The following BPTF variants were observed in gnomAD, a reference collection of about 807,000 sequenced individuals.
BPTF encodes bromodomain PHD finger transcription factor.
In BPTF, 18 loss-of-function variants were observed where a neutral mutation model predicts 292.5. The ratio of observed to expected loss-of-function variants is 0.06; its 90% CI spans 0.04 to 0.09. The LOEUF is 0.09. BPTF is among the 10% of genes least tolerant of loss of function. The pLI, the probability that BPTF is intolerant of heterozygous loss-of-function variation, is 1.00. For synonymous variants in BPTF, 1,225 were observed against 1,251.9 expected (o/e 0.98, Z 0.45); for missense variants, 2,726 against 3,498.7 (o/e 0.78, Z 5.57).
At chr17:67,869,398 G>A (rs1160588245) in intron 3 of BPTF, among the ~76,000 whole-genome samples, 1 of 152,104 alleles carries the variant, frequency 6.6e-6, no homozygotes, top group Admixed American at 6.5e-5. Flanking sequence ...TGATTTGGGG[G>A]AATGTAAAAA....
At chr17:67,875,307 C>T (rs1221407405) in intron 4 of BPTF, among the ~76,000 whole-genome samples, 1 of 152,096 alleles carries the variant, frequency 6.6e-6, no homozygotes, top group Non-Finnish European at 1.5e-5. Context: ...CCAGAGTATA[C>T]ACTTTTGTAT....
intron 7 of BPTF, among the ~76,000 whole-genome samples, chr17:67,896,489 C>A (rs2061465147): frequency 6.6e-6 from 1 of 151,084 alleles, no homozygotes; most frequent in Non-Finnish European, 1.5e-5. Flanking sequence ...TGCACATAGA[C>A]CCCTTGAATC....
At chr17:67,968,961 A>G (rs1555689194) in intron 26 of BPTF, among the ~76,000 whole-genome samples, 1 of 151,108 alleles carries the variant, frequency 6.6e-6, no homozygotes, top group Admixed American at 6.6e-5. Flanking sequence ...AGCCTGGGTA[A>G]CAAAAGCGAA....
chr17:67,896,483 C>G (rs1397476622), intron 7 of BPTF, among the ~76,000 whole-genome samples: 3 of 150,226 alleles, frequency 2.0e-5, no homozygotes, highest in Admixed American at 6.7e-5. Flanking sequence ...CCCCAGTGCA[C>G]ATAGACCCCT....
At chr17:67,974,848 C>T (rs543299957) in intron 26 of BPTF, 1 of 152,346 alleles carries the variant, frequency 6.6e-6, no homozygotes, top group African/African-American at 2.4e-5. Context: ...CCCGGTCCTT[C>T]TGGGTTTTTA....
intron 2 of BPTF, among the ~76,000 whole-genome samples, chr17:67,856,924 G>A (rs2058723810): frequency 6.6e-6 from 1 of 151,958 alleles, no homozygotes; most frequent in African/African-American, 2.4e-5. Flanking sequence ...AGGGGAGAAT[G>A]GTGGTTTAGG....
intron 23 of BPTF, among the ~76,000 whole-genome samples, chr17:67,949,493 T>A (rs1403864426): frequency 6.6e-6 from 1 of 151,826 alleles, no homozygotes; most frequent in Admixed American, 6.6e-5. Context: ...GATAATCGTT[T>A]GAACCTGGGA....
chr17:67,879,703 C>T (rs1410981667), intron 4 of BPTF, among the ~76,000 whole-genome samples: 6 of 152,030 alleles, frequency 3.9e-5, no homozygotes, highest in African/African-American at 9.7e-5. Context: ...CCACTAATGA[C>T]GGAAGGGGAA....
intron 1 of BPTF, among the ~76,000 whole-genome samples, chr17:67,841,877 TCTG>T (rs1482592221): frequency 1.3e-5 from 2 of 152,126 alleles, no homozygotes; most frequent in East Asian, 3.8e-4. Flanking sequence ...AGGGGTTTCT[TCTG>T]TTTCTTTTTT....
At chr17:67,942,399 T>C (rs1555672384) in intron 19 of BPTF, among the ~76,000 whole-genome samples, 1 of 152,174 alleles carries the variant, frequency 6.6e-6, no homozygotes, top group East Asian at 1.9e-4. Context: ...ACTGCTGAAC[T>C]TTATTAATAA....
At chr17:67,866,428 C>G in intron 2 of BPTF, 36 bp from the exon 3 acceptor site, 2 of 1,483,030 alleles carry the variant, frequency 1.3e-6, no homozygotes, top group Non-Finnish European at 1.9e-6. Context: ...GGCATTATGT[C>G]TAACATATAA....
intron 4 of BPTF, among the ~76,000 whole-genome samples, chr17:67,879,610 G>C (rs775888037): frequency 6.6e-6 from 1 of 152,142 alleles, no homozygotes; most frequent in Non-Finnish European, 1.5e-5. Flanking sequence ...TAAAAAAAGA[G>C]ATTTCTTTGG....
intron 23 of BPTF, among the ~76,000 whole-genome samples, chr17:67,952,382 G>C (rs1465430020): frequency 6.6e-6 from 1 of 150,996 alleles, no homozygotes; most frequent in Non-Finnish European, 1.5e-5. Context: ...TCCTGCCTCA[G>C]CCTCCTGAGC....
intron 23 of BPTF, 55 bp downstream of exon 23, chr17:67,948,361 C>T: frequency 2.8e-6 from 4 of 1,452,898 alleles, no homozygotes; most frequent in South Asian, 2.6e-5. Context: ...TGAGGTTCTG[C>T]TTTTTTCCCT....
At chr17:67,978,900 G>C (rs1184421188) in intron 27 of BPTF, among the ~76,000 whole-genome samples, 3 of 152,100 alleles carry the variant, frequency 2.0e-5, no homozygotes, top group Non-Finnish European at 4.4e-5. Context: ...CTGTTAGCTG[G>C]GCACGGTGGC....
chr17:67,884,142 T>C (rs4371190), intron 4 of BPTF, among the ~76,000 whole-genome samples: 2,092 of 94,076 alleles, frequency 0.022, 45 homozygotes, highest in East Asian at 0.16. Flanking sequence ...TTCTTTCTTT[T>C]TTTTTTTTTT....
chr17:67,877,268 C>A (rs899422670), intron 4 of BPTF, among the ~76,000 whole-genome samples: 5 of 152,184 alleles, frequency 3.3e-5, no homozygotes, highest in African/African-American at 1.2e-4. Context: ...CTGACCTTCA[C>A]CTGCTTCCTT....
intron 1 of BPTF, among the ~76,000 whole-genome samples, chr17:67,827,793 C>T (rs1167206690): frequency 1.3e-5 from 2 of 152,080 alleles, no homozygotes; most frequent in Non-Finnish European, 2.9e-5. Flanking sequence ...ATTTCTTTTG[C>T]CCAGTGGTCA....
At chr17:67,976,434 C>T (rs2069426766) in intron 27 of BPTF, among the ~76,000 whole-genome samples, 1 of 152,230 alleles carries the variant, frequency 6.6e-6, no homozygotes. Flanking sequence ...GATCACACCA[C>T]TGCATTCCAG....
Sources: allele counts gnomAD v4.1 joint callset (sites outside exome capture counted in the v4.1 genomes callset), GRCh38; gene constraint gnomAD v4.1.1; transcripts MANE v1.5; gene names NCBI Gene and HGNC (gene_info 2026-07-23, HGNC 2026-07-21).